Variants in ITIH6 observed in about 807,000 individuals in gnomAD.
ITIH6 encodes inter-alpha-trypsin inhibitor heavy chain family member 6, also known as inter-alpha-trypsin inhibitor heavy chain H6.
Under a neutral mutation model 58.2 loss-of-function variants are expected in ITIH6, and 60 were observed. The ratio of observed to expected loss-of-function variants is 1.03; its 90% CI spans 0.84 to 1.28. ITIH6 has a LOEUF of 1.28. Among genes scored for constraint, ITIH6 ranks in the 50% most tolerant of loss-of-function variants. ITIH6 has a pLI of 0.00. For missense variants in ITIH6, 1,290 were observed against 1,021.1 expected, an observed-to-expected ratio of 1.26 and a Z score of -3.59; for synonymous variants, 493 against 417.4, an observed-to-expected ratio of 1.18 and a Z score of -2.21.
intron 9 of ITIH6, 45 bp downstream of exon 9, chrX:54,754,972 A>G (rs763434931): frequency 2.0e-6 from 2 of 986,310 alleles, no homozygotes; most frequent in East Asian, 6.1e-5. Flanking sequence ...AATGGAATGG[A>G]AATGAAGGCC....
At chrX:54,761,289 T>C (rs189301681) in intron 6 of ITIH6, among the ~76,000 whole-genome samples, 58 of 112,041 alleles carry the variant, frequency 5.2e-4, no homozygotes, top group African/African-American at 1.8e-3. Flanking sequence ...GGGGTTGTTC[T>C]TTTTTTCTTG....
At chrX:54,798,061 A>T in intron 1 of ITIH6, 48 bp downstream of exon 1, 1 of 915,393 alleles carries the variant, frequency 1.1e-6, no homozygotes, top group Non-Finnish European at 1.5e-6. Flanking sequence ...CCAAGAAGCT[A>T]ATTTTATCAC....
chrX:54,759,075 C>T, intron 7 of ITIH6, 77 bp from the exon 8 acceptor site: 1 of 734,386 alleles, frequency 1.4e-6, no homozygotes, highest in Non-Finnish European at 1.9e-6. Flanking sequence ...GGCACCTCAT[C>T]AACTTCCCAG....
intron 6 of ITIH6, among the ~76,000 whole-genome samples, chrX:54,764,402 C>G (rs1223601055): frequency 1.9e-5 from 2 of 107,605 alleles, no homozygotes; most frequent in African/African-American, 6.8e-5. Context: ...AATGCTATCC[C>G]TCCCCCCTTC....
chrX:54,791,679 T>C (rs1394347201), intron 3 of ITIH6, among the ~76,000 whole-genome samples: 1 of 112,035 alleles, frequency 8.9e-6, no homozygotes, highest in Non-Finnish European at 1.9e-5. Context: ...TGCCAATTCT[T>C]AAATAAGCCA....
rs1929006707 is a variant in ITIH6, at chrX:54,774,073, CT to C, written c.903+7del. On this transcript the variant is annotated splice_region_variant and intron_variant, in intron 6 of 12. Coordinates refer to ENST00000218436, the MANE Select transcript of ITIH6 (RefSeq NM_198510.3). ...AGGACTAAGAAAGGTTTCCAGGATC[CT>C]TGTTACCTGTTCCATCTTGGTACCA... is the stretch of plus-strand genomic sequence containing the variant. The C allele has an allele frequency of 9.2e-7, 1 of 1,089,315 alleles. No individual in the cohort carries two copies. Among genetic ancestry groups the C allele is most frequent in the Admixed American group, 2.5e-5 (1 of 39,998 alleles). The allele number at this position is 1,089,315 out of a possible 1,213,427, so 89.8% of individuals were successfully genotyped here.
intron 6 of ITIH6, among the ~76,000 whole-genome samples, chrX:54,771,081 T>C (rs1928938882): frequency 8.9e-6 from 1 of 112,167 alleles, no homozygotes; most frequent in South Asian, 3.7e-4. Flanking sequence ...TTTATATCCT[T>C]GCTCCTCTAT....
At chrX:54,789,028 G>A (rs1055140275) in intron 4 of ITIH6, among the ~76,000 whole-genome samples, 3 of 112,819 alleles carry the variant, frequency 2.7e-5, no homozygotes, top group Non-Finnish European at 5.6e-5. Flanking sequence ...CAGAGAGGCA[G>A]TGCAGTCAGT....
chrX:54,758,335 C>A lies in ITIH6; in HGVS notation c.1739G>T (p.Arg580Leu). The A allele has an allele frequency of 8.3e-7, 1 of 1,211,760 alleles. No individual in the cohort carries two copies. The highest frequency in any genetic ancestry group is 1.1e-6 in the Non-Finnish European group (1 of 895,468). ...CAGCAGGTGGCGAGTGGTGGTGTCACGAGCTTGGAAGTGTGCATCCAGCAG... is the reference window on the plus strand; with the variant it reads ...CAGCAGGTGGCGAGTGGTGGTGTCAAGAGCTTGGAAGTGTGCATCCAGCAG... ...GELLDAHFQA[R>L]DTTTRHLLAA... is the part of the protein sequence containing the mutation. The change falls in exon 8 of 13, where the codon CGT becomes CTT. Residue 580 changes from arginine to leucine, a missense_variant. Physicochemically the swap from Arg to Leu is moderately radical, Grantham distance 102 (BLOSUM62 -2). Transcript: ENST00000218436.
chrX:54,785,310 A>C (rs935589384), intron 5 of ITIH6, among the ~76,000 whole-genome samples: 1 of 111,139 alleles, frequency 9.0e-6, no homozygotes, highest in Non-Finnish European at 1.9e-5. Flanking sequence ...ATAGCAAGAC[A>C]GGGTGACTAT....
At chrX:54,771,091 T>C (rs750386214) in intron 6 of ITIH6, among the ~76,000 whole-genome samples, 1 of 112,160 alleles carries the variant, frequency 8.9e-6, no homozygotes, top group African/African-American at 3.2e-5. Flanking sequence ...TGCTCCTCTA[T>C]AGGTAAGGTA....
At chrX:54,756,850 AAG>A (rs1478152188) in intron 8 of ITIH6, 113 bp downstream of exon 8, 5 of 466,440 alleles carry the variant, frequency 1.1e-5, no homozygotes, top group Non-Finnish European at 1.7e-5. Flanking sequence ...GCAAGCAAGC[AAG>A]GAAGCAGCTG....
intron 5 of ITIH6, among the ~76,000 whole-genome samples, chrX:54,775,246 C>T (rs1602061925): frequency 8.9e-6 from 1 of 111,743 alleles, no homozygotes; most frequent in African/African-American, 3.3e-5. Flanking sequence ...ATACCTGGGC[C>T]GGTGAGTGCT....
At chrX:54,756,095 T>C (rs771345826) in intron 8 of ITIH6, among the ~76,000 whole-genome samples, 1 of 111,017 alleles carries the variant, frequency 9.0e-6, no homozygotes, top group Non-Finnish European at 1.9e-5. Flanking sequence ...GGTAGCATTG[T>C]CAATAACTGA....
At chrX:54,773,159 G>C (rs1352242838) in intron 6 of ITIH6, among the ~76,000 whole-genome samples, 2 of 112,030 alleles carry the variant, frequency 1.8e-5, no homozygotes, top group Non-Finnish European at 3.8e-5. Context: ...CCCAGTTGAT[G>C]TGGTGATAAT....
At chrX:54,790,567 C>T (rs894193833) in intron 4 of ITIH6, among the ~76,000 whole-genome samples, 1 of 109,428 alleles carries the variant, frequency 9.1e-6, no homozygotes, top group Non-Finnish European at 1.9e-5. Flanking sequence ...CCCAACAAAC[C>T]CTCCCTTATC....
At position 54,786,318 on chromosome X, in the gene ITIH6, T is replaced by C. The variant is rs769159877; in HGVS notation, c.786+2162A>G. Among the ~76,000 whole-genome samples, 6 of 111,510 alleles carry C rather than the reference T, an allele frequency of 5.4e-5. No individual in the cohort carries two copies. In the South Asian group the frequency reaches 2.3e-3, roughly 42 times the overall value. ...AAGCTCAGGCCTCATTCGTCTCAGG[T>C]TTCCTTCTTCTACTGCGACCTCTCC... On this transcript the variant is annotated intron_variant, in intron 5 of 12. Coordinates refer to ENST00000218436, the MANE Select transcript of ITIH6 (RefSeq NM_198510.3).
In ITIH6 at chrX:54,751,090, T is replaced by C. The variant is rs1928344165; in HGVS notation, c.3643A>G (p.Arg1215Gly). The C allele has an allele frequency of 7.5e-6, 9 of 1,202,373 alleles. No individual in the cohort carries two copies. The highest frequency in any genetic ancestry group is 1.0e-5 in the Non-Finnish European group (9 of 891,489). The stretch of plus-strand genomic sequence containing the variant: ...GGTAGTTGCAGGGTACTGGGATGCC[T>C]GTAGCGGTGTCGGAGGACTAGGAAC... ...LEFLVLRHRY[R>G]HPSTLQLPHL... The change falls in exon 12 of 13, where the codon AGG becomes GGG. Residue 1215 changes from arginine (R) to glycine (G), a missense_variant. Arg to Gly is a moderately radical substitution (Grantham distance 125, BLOSUM62 -2). Coordinates refer to ENST00000218436, the MANE Select transcript of ITIH6 (RefSeq NM_198510.3).
Position 54,778,220 on chromosome X carries a change from A to C in ITIH6, c.787-4023T>G, listed in dbSNP as rs1010448541. Among the ~76,000 whole-genome samples, 3 of 99,845 alleles carry C rather than the reference A, an allele frequency of 3.0e-5. No homozygotes were observed. The Admixed American group carries it at 3.2e-4, about 11-fold the overall frequency. The allele number at this position is 99,845 out of a possible 115,157, so 86.7% of individuals were successfully genotyped here. A position where few individuals can be genotyped will look rare whatever the true frequency, so the allele number is the denominator to read the frequency against. ...CTTTTTTTTTTTTTTTTTTTGACAGAGTCTCCCTCCGTCACCCAGGCTGGA... is the reference window on the plus strand; with the variant it reads ...CTTTTTTTTTTTTTTTTTTTGACAGCGTCTCCCTCCGTCACCCAGGCTGGA... On this transcript the variant is annotated intron_variant, in intron 5 of 12. Transcript: ENST00000218436.
Sources: allele counts gnomAD v4.1 joint callset (sites outside exome capture counted in the v4.1 genomes callset), GRCh38; gene constraint gnomAD v4.1.1; transcripts MANE v1.5; gene names NCBI Gene and HGNC (gene_info 2026-07-23, HGNC 2026-07-21).